Variants in PCSK2 observed in about 807,000 individuals in gnomAD.
The protein encoded by PCSK2 is neuroendocrine convertase 2.
In PCSK2, 14 loss-of-function variants were observed where a neutral mutation model predicts 69.7. The ratio of observed to expected loss-of-function variants is 0.20; its 90% CI spans 0.13 to 0.31. The LOEUF is 0.31. PCSK2 is among the 10% of genes least tolerant of loss of function. The probability of loss-of-function intolerance (pLI) is 1.00; values close to 1 mark genes in which losing one functional copy is unlikely to be tolerated. For missense variants in PCSK2, 544 were observed against 842.5 expected (o/e 0.65, Z 4.39); for synonymous variants, 307 against 320.7 (o/e 0.96, Z 0.46).
chr20:17,227,388 C>A lies in PCSK2; in HGVS notation c.83C>A (p.Pro28Gln), dbSNP rs771267674. 10 of 1,613,758 alleles carry A rather than the reference C, an allele frequency of 6.2e-6. No individual in the cohort carries two copies. Among genetic ancestry groups the A allele is most frequent in the South Asian group, 2.2e-5 (2 of 91,066 alleles). Reference sequence around the variant, plus strand: ...ATGGTTTTTGCATCTGCTGAGCGACCGGTCTTCACGAATCATTTTCTTGTG... The same window carrying A: ...ATGGTTTTTGCATCTGCTGAGCGACAGGTCTTCACGAATCATTTTCTTGTG... ...CVMVFASAER[P>Q]VFTNHFLVEL... Residue 28 changes from proline to glutamine, a missense_variant, in exon 1 of 12, where the codon CCG (proline) becomes CAG (glutamine). Transcript: ENST00000262545.
chr20:17,347,893 A>AGGAGAGAG (rs1449796391), intron 2 of PCSK2, among the ~76,000 whole-genome samples: 6 of 11,000 alleles, frequency 5.5e-4, no homozygotes, highest in East Asian at 4.6e-3. Flanking sequence ...AGAAAGAAAG[A>AGGAGAGAG]AAGAAAGAAA....
intron 3 of PCSK2, 144 bp from the exon 4 acceptor site, chr20:17,360,388 C>A (rs1433683163): frequency 5.5e-6 from 3 of 544,366 alleles, no homozygotes; most frequent in Admixed American, 3.5e-5. Context: ...GAGGGACACC[C>A]AAAAGTACTG....
intron 1 of PCSK2, among the ~76,000 whole-genome samples, chr20:17,236,124 G>T (rs1284808415): frequency 1.3e-5 from 2 of 152,016 alleles, no homozygotes; most frequent in African/African-American, 4.8e-5. Flanking sequence ...AATATGTATA[G>T]AGAGAAGAGA....
chr20:17,258,415 G>A (rs921731188), intron 1 of PCSK2, among the ~76,000 whole-genome samples: 1 of 151,968 alleles, frequency 6.6e-6, no homozygotes, highest in Non-Finnish European at 1.5e-5. Context: ...GTAGATTTTT[G>A]AAGGTTCTTA....
chr20:17,260,121 G>A, intron 1 of PCSK2, 119 bp from the exon 2 acceptor site: 1 of 689,756 alleles, frequency 1.4e-6, no homozygotes, highest in Non-Finnish European at 2.6e-6. Context: ...TTTGCCAGTG[G>A]TTTCCTTGCA....
At chr20:17,255,963 A>G (rs1987162396) in intron 1 of PCSK2, among the ~76,000 whole-genome samples, 1 of 152,144 alleles carries the variant, frequency 6.6e-6, no homozygotes, top group African/African-American at 2.4e-5. Context: ...TCAGGGTGAC[A>G]CAGGCCTCAA....
At chr20:17,242,638 A>G (rs953957774) in intron 1 of PCSK2, among the ~76,000 whole-genome samples, 3 of 152,230 alleles carry the variant, frequency 2.0e-5, no homozygotes. Context: ...TTCTCAGACC[A>G]TGCTAACCTG....
chr20:17,433,801 C>A (rs2032417784), intron 7 of PCSK2, among the ~76,000 whole-genome samples: 1 of 122,436 alleles, frequency 8.2e-6, no homozygotes, highest in Non-Finnish European at 1.8e-5. Context: ...CTCTCTCTCT[C>A]TCTCTCTCTC....
rs117306756 is a variant in PCSK2 at position 17,385,048 on chromosome 20, A to G, written c.543+15771A>G. Among the ~76,000 whole-genome samples, 1,419 of 152,316 alleles carry G rather than the reference A, an allele frequency of 9.3e-3. 14 individuals carry two copies. The highest frequency in any genetic ancestry group is 0.027 in the Middle Eastern group (8 of 294). ...AGATTCTGGCCACCTGTTTTTGTAAATAAAGTTTTATCGGAACGCAGCCAT... is the reference window on the plus strand; with the variant it reads ...AGATTCTGGCCACCTGTTTTTGTAAGTAAAGTTTTATCGGAACGCAGCCAT... On this transcript the variant is annotated intron_variant, in intron 5 of 11. Transcript: ENST00000262545.
chr20:17,316,679 A>G (rs1379276598), intron 2 of PCSK2, among the ~76,000 whole-genome samples: 1 of 152,184 alleles, frequency 6.6e-6, no homozygotes, highest in Non-Finnish European at 1.5e-5. Flanking sequence ...CGCAGCATCA[A>G]TTTGTGCTTG....
intron 11 of PCSK2, 115 bp from the exon 12 acceptor site, chr20:17,481,469 C>G: frequency 1.3e-6 from 1 of 777,894 alleles, no homozygotes. Flanking sequence ...AAACCCAGGT[C>G]TGATTGATCA....
chr20:17,437,140 G>C (rs112970800), intron 8 of PCSK2, among the ~76,000 whole-genome samples: 38 of 152,112 alleles, frequency 2.5e-4, no homozygotes, highest in African/African-American at 7.7e-4. Flanking sequence ...AAGGGGCCGG[G>C]GGGGGGAGGG....
intron 11 of PCSK2, among the ~76,000 whole-genome samples, chr20:17,476,973 A>G (rs1175147842): frequency 6.6e-6 from 1 of 152,222 alleles, no homozygotes; most frequent in Admixed American, 6.5e-5. Flanking sequence ...TGGACACTCC[A>G]TACATGATTC....
intron 4 of PCSK2, among the ~76,000 whole-genome samples, chr20:17,362,306 T>A (rs947070891): frequency 2.0e-5 from 3 of 152,206 alleles, no homozygotes; most frequent in African/African-American, 7.2e-5. Context: ...CCAATTACAA[T>A]TCCTGGTTTC....
chr20:17,303,177 CAT>C (rs1163045166), intron 2 of PCSK2, among the ~76,000 whole-genome samples: 1 of 143,424 alleles, frequency 7.0e-6, no homozygotes, highest in Non-Finnish European at 1.5e-5. Context: ...AAAATATATA[CAT>C]ATATAATATA....
intron 11 of PCSK2, among the ~76,000 whole-genome samples, chr20:17,467,276 C>G (rs1160029700): frequency 6.6e-6 from 1 of 152,224 alleles, no homozygotes; most frequent in East Asian, 1.9e-4. Context: ...ATGGTGACGT[C>G]TATGGGCCCC....
intron 2 of PCSK2, among the ~76,000 whole-genome samples, chr20:17,274,910 C>T (rs1988004752): frequency 6.6e-6 from 1 of 151,916 alleles, no homozygotes; most frequent in African/African-American, 2.4e-5. Flanking sequence ...GACACTACAC[C>T]CCAGCAGTCT....
intron 10 of PCSK2, among the ~76,000 whole-genome samples, chr20:17,459,533 T>G (rs2032979011): frequency 6.6e-6 from 1 of 152,190 alleles, no homozygotes; most frequent in South Asian, 2.1e-4. Context: ...TGACCCTACC[T>G]TGAGCAGTAT....
At chr20:17,229,649 T>A (rs1464518926) in intron 1 of PCSK2, among the ~76,000 whole-genome samples, 1 of 151,878 alleles carries the variant, frequency 6.6e-6, no homozygotes, top group Admixed American at 6.6e-5. Context: ...TCTCCTTACT[T>A]CTCCATAACC....
Sources: gnomAD v4.1 joint callset for allele counts (sites outside exome capture counted in the v4.1 genomes callset) on GRCh38, gnomAD v4.1.1 for gene constraint, MANE v1.5 for transcripts, NCBI Gene and HGNC (gene_info 2026-07-23, HGNC 2026-07-21) for gene names.